Variants in XIRP2 observed in about 807,000 individuals in gnomAD.
The protein encoded by XIRP2 is xin actin binding repeat containing 2.
Under a neutral mutation model 277.0 loss-of-function variants are expected in XIRP2, and 236 were observed. The ratio of observed to expected loss-of-function variants is 0.85; its 90% CI spans 0.77 to 0.95. The LOEUF (loss-of-function observed/expected upper bound fraction) is 0.95. XIRP2 is among the 40% of genes least tolerant of loss of function. The probability of loss-of-function intolerance (pLI) is 0.00; values close to 1 mark genes in which losing one functional copy is unlikely to be tolerated. For synonymous variants in XIRP2, 1,490 were observed against 1,416.5 expected (o/e 1.05, Z -1.17); for missense variants, 4,640 against 4,157.5 (o/e 1.12, Z -3.19).
At chr2:167,019,893 G>A (rs768782214) in intron 2 of XIRP2, among the ~76,000 whole-genome samples, 4 of 152,010 alleles carry the variant, frequency 2.6e-5, no homozygotes, top group Non-Finnish European at 4.4e-5. Flanking sequence ...GCAGTGATTT[G>A]TACTGCCAGT....
Position 167,248,498 on chromosome 2 carries a change from C to T in XIRP2, c.7106C>T (p.Pro2369Leu), listed in dbSNP as rs775614696. Residue 2369 changes from proline (P) to leucine (L), a missense_variant, in exon 9 of 11, where the codon CCT (proline) becomes CTT (leucine). By Grantham distance (98) the Pro-to-Leu change is moderately conservative. Coordinates refer to ENST00000409195, the MANE Select transcript of XIRP2 (RefSeq NM_152381.6). ...TCGATGTTTCTGCCGCCTCCTCCTC[C>T]TCCAACTCCATCTCAAAAGCCAGCA... ...SSSMFLPPPPPPTPSQKPAHL... is the reference protein window; with the variant it reads ...SSSMFLPPPPLPTPSQKPAHL... The T allele has an allele frequency of 3.1e-6, 5 of 1,613,762 alleles. No homozygotes were observed. The highest frequency in any genetic ancestry group is 4.2e-6 in the Non-Finnish European group (5 of 1,179,816).
chr2:167,197,763 C>A (rs925802061), intron 3 of XIRP2, among the ~76,000 whole-genome samples: 3 of 152,070 alleles, frequency 2.0e-5, no homozygotes, highest in Admixed American at 6.6e-5. Flanking sequence ...AACCCAATTG[C>A]TTTTTACATT....
rs143528627 is a variant in XIRP2 at position 166,962,499 on chromosome 2, C to T, written c.408+58609C>T. On this transcript the variant is annotated intron_variant, in intron 2 of 10. Coordinates refer to ENST00000409195, the MANE Select transcript of XIRP2 (RefSeq NM_152381.6). ...GGAGAGGCAGAAAAAATGCCTCATA[C>T]ATCTATAACAGCAAATTATTAAAGC... Among the ~76,000 whole-genome samples, 28 of 151,762 alleles carry T rather than the reference C, an allele frequency of 1.8e-4. No individual in the cohort carries two copies. The East Asian group carries it at 4.5e-3, about 24-fold the overall frequency.
intron 2 of XIRP2, among the ~76,000 whole-genome samples, chr2:166,999,586 C>A (rs1687311214): frequency 6.6e-6 from 1 of 152,018 alleles, no homozygotes; most frequent in Non-Finnish European, 1.5e-5. Flanking sequence ...CATTTTTATA[C>A]CCTTTTACAA....
At chr2:167,221,487 G>GAAAAAAAAAAAAAAAAAAAAAAAAAA (rs1694429409) in intron 5 of XIRP2, among the ~76,000 whole-genome samples, 1 of 144,034 alleles carries the variant, frequency 6.9e-6, no homozygotes, top group African/African-American at 2.6e-5. Context: ...AAAAAAAAAG[G>GAAAAAAAAAAAAAAAAAAAAAAAAAA]AAAAAGTCAT....
chr2:166,995,825 G>T (rs1023159088), intron 2 of XIRP2, among the ~76,000 whole-genome samples: 3 of 152,152 alleles, frequency 2.0e-5, no homozygotes, highest in African/African-American at 7.2e-5. Flanking sequence ...AGAGAATTGT[G>T]TTAGCCCTCA....
intron 2 of XIRP2, among the ~76,000 whole-genome samples, chr2:166,919,820 G>A (rs1035175444): frequency 3.3e-5 from 5 of 152,030 alleles, no homozygotes; most frequent in Non-Finnish European, 7.4e-5. Flanking sequence ...TGCAATGTGT[G>A]CATGGAAGCA....
At chr2:167,204,798 T>C (rs1005931121) in intron 3 of XIRP2, among the ~76,000 whole-genome samples, 4 of 152,216 alleles carry the variant, frequency 2.6e-5, no homozygotes, top group Non-Finnish European at 4.4e-5. Context: ...CAATTTTTAT[T>C]TTCTCGCATA....
At chr2:167,194,108 G>T (rs1693430473) in intron 3 of XIRP2, among the ~76,000 whole-genome samples, 1 of 150,982 alleles carries the variant, frequency 6.6e-6, no homozygotes, top group Non-Finnish European at 1.5e-5. Flanking sequence ...TTGAGATGGA[G>T]CCTCACTCTG....
intron 2 of XIRP2, among the ~76,000 whole-genome samples, chr2:167,025,957 A>C (rs1157356157): frequency 6.6e-6 from 1 of 151,920 alleles, no homozygotes; most frequent in South Asian, 2.1e-4. Context: ...GAGTTCTGTA[A>C]ATGTCTATTA....
chr2:167,007,701 T>A (rs202028131), intron 2 of XIRP2, among the ~76,000 whole-genome samples: 11,759 of 114,694 alleles, frequency 0.1, 786 homozygotes, highest in East Asian at 0.45. Flanking sequence ...TCTCTCTCTC[T>A]CTCACACACA....
intron 2 of XIRP2, among the ~76,000 whole-genome samples, chr2:166,953,850 C>T (rs576559284): frequency 1.3e-5 from 2 of 151,902 alleles, no homozygotes; most frequent in South Asian, 4.1e-4. Flanking sequence ...TGTTCTAATT[C>T]TTGCATAGCC....
At chr2:167,105,768 A>G (rs1210407938) in intron 2 of XIRP2, among the ~76,000 whole-genome samples, 7 of 151,856 alleles carry the variant, frequency 4.6e-5, no homozygotes, top group Non-Finnish European at 8.8e-5. Context: ...ACCATTTTAC[A>G]TTACAATACA....
intron 2 of XIRP2, among the ~76,000 whole-genome samples, chr2:167,083,730 A>T (rs1376192074): frequency 1.6e-4 from 24 of 152,156 alleles, no homozygotes; most frequent in Non-Finnish European, 4.4e-5. Flanking sequence ...TTCACTCATG[A>T]TTTGGCTCTC....
At chr2:167,061,517 T>C (rs569377990) in intron 2 of XIRP2, among the ~76,000 whole-genome samples, 15 of 152,266 alleles carry the variant, frequency 9.9e-5, no homozygotes, top group African/African-American at 3.6e-4. Context: ...ATGTTGTAGA[T>C]TGAATTGTGT....
At chr2:167,182,503 C>T (rs61164055) in intron 3 of XIRP2, among the ~76,000 whole-genome samples, 13,253 of 152,160 alleles carry the variant, frequency 0.087, 1,119 homozygotes, top group African/African-American at 0.22. Context: ...GAGTTGATCC[C>T]TCTCAAAACA....
At chr2:167,008,993 A>C (rs987400759) in intron 2 of XIRP2, among the ~76,000 whole-genome samples, 2 of 151,460 alleles carry the variant, frequency 1.3e-5, no homozygotes, top group African/African-American at 4.8e-5. Flanking sequence ...TAAATATTTT[A>C]AGAGATTAAT....
intron 2 of XIRP2, among the ~76,000 whole-genome samples, chr2:166,922,763 A>G (rs917604890): frequency 6.6e-6 from 1 of 151,846 alleles, no homozygotes; most frequent in South Asian, 2.1e-4. Flanking sequence ...CTCAAAAGAA[A>G]AAAAAAAGTA....
chr2:166,950,689 A>G (rs1202025116), intron 2 of XIRP2, among the ~76,000 whole-genome samples: 1 of 152,068 alleles, frequency 6.6e-6, no homozygotes, highest in Non-Finnish European at 1.5e-5. Context: ...CTAAAATAAG[A>G]GCTTGTTGCT....
Sources: gnomAD v4.1 joint callset for allele counts (sites outside exome capture counted in the v4.1 genomes callset) on GRCh38, gnomAD v4.1.1 for gene constraint, MANE v1.5 for transcripts, NCBI Gene and HGNC (gene_info 2026-07-23, HGNC 2026-07-21) for gene names.